ROR1: variants seen among roughly 807,000 people sequenced by gnomAD.
ROR1 encodes inactive tyrosine-protein kinase transmembrane receptor ROR1.
In ROR1, 19 loss-of-function variants were observed where a neutral mutation model predicts 78.8. The observed-to-expected ratio is 0.24, with a 90% CI of 0.17 to 0.35. The LOEUF (loss-of-function observed/expected upper bound fraction) is 0.35, where lower values mean the gene tolerates loss of function less well. ROR1 is among the 10% of genes least tolerant of loss of function. ROR1 has a pLI of 1.00. For synonymous variants in ROR1, 386 were observed against 433.6 expected (o/e 0.89, Z 1.36); for missense variants, 917 against 1,177.8 (o/e 0.78, Z 3.24).
intron 1 of ROR1, among the ~76,000 whole-genome samples, chr1:63,969,013 C>T (rs997135258): frequency 1.3e-5 from 2 of 152,298 alleles, no homozygotes; most frequent in African/African-American, 2.4e-5. Flanking sequence ...TATCACTTTA[C>T]TCCAAATCCT....
chr1:64,158,524 C>T (rs1569866475), intron 7 of ROR1, among the ~76,000 whole-genome samples: 1 of 152,300 alleles, frequency 6.6e-6, no homozygotes, highest in East Asian at 1.9e-4. Flanking sequence ...CCCCATAAGT[C>T]CAAACCAGCC....
At chr1:63,971,576 T>G (rs1646120219) in intron 1 of ROR1, among the ~76,000 whole-genome samples, 1 of 152,176 alleles carries the variant, frequency 6.6e-6, no homozygotes, top group Admixed American at 6.6e-5. Flanking sequence ...TATGTATTAC[T>G]CAGAAAGATA....
chr1:63,983,831 A>G (rs983112309), intron 1 of ROR1, among the ~76,000 whole-genome samples: 1 of 152,194 alleles, frequency 6.6e-6, no homozygotes, highest in African/African-American at 2.4e-5. Context: ...TTTTGAGATA[A>G]GGTAAATTTC....
chr1:63,809,991 C>T (rs1644850768), intron 1 of ROR1, among the ~76,000 whole-genome samples: 1 of 152,114 alleles, frequency 6.6e-6, no homozygotes, highest in Non-Finnish European at 1.5e-5. Context: ...GTTGCCAACC[C>T]TTGGATTCCA....
At chr1:63,776,214 TGTG>T (rs1644615388) in intron 1 of ROR1, among the ~76,000 whole-genome samples, 1 of 152,252 alleles carries the variant, frequency 6.6e-6, no homozygotes, top group Non-Finnish European at 1.5e-5. Flanking sequence ...CATAGCCCCT[TGTG>T]GGGGTGGGGG....
intron 1 of ROR1, among the ~76,000 whole-genome samples, chr1:63,991,195 T>C (rs285358): frequency 0.75 from 113,438 of 151,962 alleles, 43,463 homozygotes; most frequent in East Asian, 0.94. Context: ...AAAAGATCCT[T>C]CTGACTTGGC....
At chr1:64,067,343 TC>T (rs1171352173) in intron 4 of ROR1, among the ~76,000 whole-genome samples, 3 of 147,528 alleles carry the variant, frequency 2.0e-5, no homozygotes, top group African/African-American at 7.5e-5. Flanking sequence ...GGAGACCCTG[TC>T]TCACAAAAAA....
intron 4 of ROR1, among the ~76,000 whole-genome samples, chr1:64,057,253 A>G (rs1401579326): frequency 6.6e-6 from 1 of 152,178 alleles, no homozygotes; most frequent in Non-Finnish European, 1.5e-5. Context: ...TCATTTGATG[A>G]AAAGACCATT....
chr1:63,880,352 C>G (rs137957783), intron 1 of ROR1, among the ~76,000 whole-genome samples: 56 of 152,214 alleles, frequency 3.7e-4, no homozygotes, highest in African/African-American at 1.3e-3. Flanking sequence ...CTCATGGGGC[C>G]TTTTCCAGCT....
intron 2 of ROR1, among the ~76,000 whole-genome samples, chr1:64,019,467 A>G (rs1646547131): frequency 1.3e-5 from 2 of 152,206 alleles, no homozygotes; most frequent in Admixed American, 6.5e-5. Context: ...GAGACGGCTA[A>G]GCACAAGCCC....
At chr1:63,989,292 GT>G (rs1040633046) in intron 1 of ROR1, among the ~76,000 whole-genome samples, 1 of 151,694 alleles carries the variant, frequency 6.6e-6, no homozygotes, top group East Asian at 1.9e-4. Flanking sequence ...AGCCTGAGGG[GT>G]TTTTTTGGAA....
chr1:63,990,598 A>G (rs1434518270), intron 1 of ROR1, among the ~76,000 whole-genome samples: 1 of 152,200 alleles, frequency 6.6e-6, no homozygotes, highest in East Asian at 1.9e-4. Context: ...CTTTAAAAAC[A>G]AAAATCCCAA....
At chr1:63,994,690 A>G (rs1646323380) in intron 1 of ROR1, among the ~76,000 whole-genome samples, 1 of 152,176 alleles carries the variant, frequency 6.6e-6, no homozygotes, top group Non-Finnish European at 1.5e-5. Context: ...TCTCTCTCCC[A>G]AGTGCTTCCA....
At chr1:63,853,765 T>A (rs1342717230) in intron 1 of ROR1, among the ~76,000 whole-genome samples, 1 of 152,236 alleles carries the variant, frequency 6.6e-6, no homozygotes, top group Non-Finnish European at 1.5e-5. Flanking sequence ...GAGGTTTCCT[T>A]AGTGAAACAC....
intron 1 of ROR1, among the ~76,000 whole-genome samples, chr1:63,889,756 G>T (rs956724377): frequency 6.6e-6 from 1 of 152,076 alleles, no homozygotes; most frequent in Non-Finnish European, 1.5e-5. Flanking sequence ...TTTATCATTG[G>T]CTTTTAAATA....
chr1:63,946,557 C>A (rs974955798), intron 1 of ROR1, among the ~76,000 whole-genome samples: 1 of 152,174 alleles, frequency 6.6e-6, no homozygotes, highest in South Asian at 2.1e-4. Flanking sequence ...TATACCTCAA[C>A]TTTTGTTTTT....
At chr1:64,060,258 G>T (rs1306246851) in intron 4 of ROR1, among the ~76,000 whole-genome samples, 1 of 152,152 alleles carries the variant, frequency 6.6e-6, no homozygotes, top group Non-Finnish European at 1.5e-5. Flanking sequence ...TGTACCTGAT[G>T]CATATTAGGA....
At chr1:63,899,641 A>T (rs1444196012) in intron 1 of ROR1, among the ~76,000 whole-genome samples, 2 of 152,042 alleles carry the variant, frequency 1.3e-5, no homozygotes, top group Non-Finnish European at 2.9e-5. Flanking sequence ...TCAGGCATAT[A>T]GGTTACATTG....
At chr1:64,024,027 C>T (rs1646587631) in intron 2 of ROR1, among the ~76,000 whole-genome samples, 2 of 152,124 alleles carry the variant, frequency 1.3e-5, no homozygotes, top group Admixed American at 1.3e-4. Context: ...TCTCTCCTGT[C>T]ACCTTGTAAA....
Sources: gnomAD v4.1 joint callset for allele counts (sites outside exome capture counted in the v4.1 genomes callset) on GRCh38, gnomAD v4.1.1 for gene constraint, MANE v1.5 for transcripts, NCBI Gene and HGNC (gene_info 2026-07-23, HGNC 2026-07-21) for gene names.